Variants in HIVEP3 observed in about 807,000 individuals in gnomAD.
HIVEP3 encodes the protein HIVEP zinc finger 3, also known as transcription factor HIVEP3.
In HIVEP3, 49 loss-of-function variants were observed where a neutral mutation model predicts 152.8. The ratio of observed to expected loss-of-function variants is 0.32; its 90% confidence interval spans 0.26 to 0.41. HIVEP3 has a LOEUF of 0.41. Ranked by LOEUF, HIVEP3 falls within the 10% of genes least tolerant of loss-of-function variation. The pLI, the probability that HIVEP3 is intolerant of heterozygous loss-of-function variation, is 1.00. For missense variants in HIVEP3, 2,790 were observed against 3,103.3 expected, an observed-to-expected ratio of 0.90 and a Z score of 2.40; for synonymous variants, 1,269 against 1,289.0, an observed-to-expected ratio of 0.98 and a Z score of 0.33.
At chr1:41,996,061 C>T (rs1325163225) in intron 1 of HIVEP3, among the ~76,000 whole-genome samples, 1 of 152,110 alleles carries the variant, frequency 6.6e-6, no homozygotes, top group Non-Finnish European at 1.5e-5. Flanking sequence ...AATAGTTTCT[C>T]TCTGTGCCAC....
chr1:41,764,580 T>C lies in HIVEP3; in HGVS notation c.-800-63585A>G, dbSNP rs149932452. ...AATTAAAGGATAAGAGTCTGGGTGG[T>C]TGGTTGATTTTACAAAAAAGATGAA... On this transcript the variant is annotated intron_variant, in intron 1 of 8. Transcript: ENST00000372583. 6.4e-3 allele frequency among the ~76,000 whole-genome samples: 978 copies of C among 152,270 alleles called. 6 individuals carry two copies. The highest frequency in any genetic ancestry group is 0.011 in the Non-Finnish European group (780 of 68,006).
At chr1:41,673,804 C>G (rs1365997310) in intron 2 of HIVEP3, among the ~76,000 whole-genome samples, 2 of 152,116 alleles carry the variant, frequency 1.3e-5, no homozygotes, top group Non-Finnish European at 2.9e-5. Flanking sequence ...AAAAACCAAA[C>G]CATCAGAAAT....
At chr1:41,921,980 A>G (rs1259069800), upstream of HIVEP3, among the ~76,000 whole-genome samples, 1 of 152,208 alleles carries the variant, frequency 6.6e-6, no homozygotes. Flanking sequence ...CAGATAAAAT[A>G]TAAGATATAA....
intron 2 of HIVEP3, among the ~76,000 whole-genome samples, chr1:41,635,526 ATATATGCACG>A (rs1645256202): frequency 6.7e-6 from 1 of 149,314 alleles, no homozygotes; most frequent in Non-Finnish European, 1.5e-5. Flanking sequence ...GCATATATAC[ATATATGCACG>A]TATATGTATG....
intron 1 of HIVEP3, among the ~76,000 whole-genome samples, chr1:41,782,979 C>T (rs908300564): frequency 4.6e-5 from 7 of 152,108 alleles, no homozygotes; most frequent in Non-Finnish European, 7.4e-5. Context: ...AGATCAGCAG[C>T]GGGGCTTCAG....
rs1485538064 is a variant in HIVEP3 at position 41,511,246 on chromosome 1, A to G, written c.6426T>C (p.Ser2142=). The G allele has an allele frequency of 2.5e-6, 4 of 1,607,980 alleles. No individual in the cohort carries two copies. The highest frequency in any genetic ancestry group is 1.7e-4 in the Middle Eastern group (1 of 5,758). ...GAGCAGGGCCGGGTGAGCAGGAGGG[A>G]CTTCGGGACTCGGCCTTCTGCTGGG... The part of the protein sequence containing the change: ...ASPWQKAESR[S]PSCSPGPAHP... Residue 2142 remains serine, a synonymous_variant, in exon 9 of 9, where the codon AGT becomes AGC. Coordinates refer to ENST00000372583, the MANE Select transcript of HIVEP3 (RefSeq NM_024503.5). This position sits in a 1 kb window ranked among gnomAD's most constrained non-coding sequence, Gnocchi z 4.9.
chr1:41,767,140 C>T (rs561019676), intron 1 of HIVEP3, among the ~76,000 whole-genome samples: 9 of 152,292 alleles, frequency 5.9e-5, no homozygotes, highest in African/African-American at 1.9e-4. Context: ...ACACCCACAT[C>T]TCATCAAATG....
chr1:41,790,341 G>A (rs1558271827), intron 1 of HIVEP3, among the ~76,000 whole-genome samples: 1 of 152,154 alleles, frequency 6.6e-6, no homozygotes, highest in Non-Finnish European at 1.5e-5. Context: ...CCTCTACCAT[G>A]AGTGGAAGCA....
intron 1 of HIVEP3, among the ~76,000 whole-genome samples, chr1:41,845,014 C>T (rs1437049275): frequency 6.6e-6 from 1 of 152,164 alleles, no homozygotes; most frequent in Admixed American, 6.5e-5. Flanking sequence ...CTGCCTCTTC[C>T]CTCTGTGGGA....
chr1:42,021,933 G>A (rs571218967), intron 1 of HIVEP3, among the ~76,000 whole-genome samples: 72 of 152,224 alleles, frequency 4.7e-4, no homozygotes, highest in Admixed American at 1.0e-3. Context: ...AGTACAAATG[G>A]GGTCACCTGG....
chr1:41,678,283 T>C (rs575338810), intron 2 of HIVEP3, among the ~76,000 whole-genome samples: 75 of 152,208 alleles, frequency 4.9e-4, no homozygotes, highest in South Asian at 1.5e-3. Flanking sequence ...GGCCCCTCCA[T>C]TGGGAGCCTG....
At chr1:41,804,469 T>C (rs1015278610) in intron 1 of HIVEP3, among the ~76,000 whole-genome samples, 21 of 152,340 alleles carry the variant, frequency 1.4e-4, no homozygotes, top group African/African-American at 4.8e-4. Context: ...CAACTGGAGC[T>C]AGCCACCACC....
At chr1:41,613,347 C>T (rs1644923913) in intron 3 of HIVEP3, among the ~76,000 whole-genome samples, 1 of 152,328 alleles carries the variant, frequency 6.6e-6, no homozygotes, top group East Asian at 1.9e-4. Flanking sequence ...GGGCGGGTCT[C>T]GTGACATTTT....
rs1198191894 is a variant in HIVEP3 at position 41,527,158 on chromosome 1, CCT to C, written c.5208-2250_5208-2249del. ...CCCTCACACACCCTCACATGCTCAT[CCT>C]CTCACACACCCACACACCCACTCAC... On this transcript the variant is annotated intron_variant, in intron 5 of 8. Coordinates refer to ENST00000372583, the MANE Select transcript of HIVEP3 (RefSeq NM_024503.5). 1.8e-4 allele frequency among the ~76,000 whole-genome samples: 23 copies of C among 127,222 alleles called. 1 individual carries two copies. The highest frequency in any genetic ancestry group is 8.2e-4 in the South Asian group (3 of 3,678). The allele number at this position is 127,222 out of a possible 152,430, so 83.5% of individuals were successfully genotyped here. A position where few individuals can be genotyped will look rare whatever the true frequency, so the allele number is the denominator to read the frequency against.
chr1:41,979,962 T>C (rs973982076), intron 1 of HIVEP3, among the ~76,000 whole-genome samples: 2 of 152,242 alleles, frequency 1.3e-5, no homozygotes, highest in Admixed American at 1.3e-4. Context: ...CAGAAAGGTC[T>C]GAGTGAATGA....
intron 1 of HIVEP3, among the ~76,000 whole-genome samples, chr1:41,951,637 C>T (rs180853800): frequency 1.3e-5 from 2 of 152,190 alleles, no homozygotes; most frequent in African/African-American, 2.4e-5. Flanking sequence ...TCAATTGACT[C>T]GCAGTTCCAC....
intron 1 of HIVEP3, among the ~76,000 whole-genome samples, chr1:41,901,985 C>T (rs1443162576): frequency 6.6e-6 from 1 of 152,122 alleles, no homozygotes. Context: ...GGATTCAATA[C>T]CTGTTGGGTA....
At chr1:41,532,834 G>T (rs1305591556) in intron 5 of HIVEP3, among the ~76,000 whole-genome samples, 1 of 152,164 alleles carries the variant, frequency 6.6e-6, no homozygotes, top group Non-Finnish European at 1.5e-5. Flanking sequence ...ACTGAGAAGG[G>T]GATATGTAGA....
chr1:41,856,115 G>T (rs1044447811), intron 1 of HIVEP3, among the ~76,000 whole-genome samples: 3 of 152,216 alleles, frequency 2.0e-5, no homozygotes, highest in African/African-American at 4.8e-5. Context: ...TACCAGAACT[G>T]CAATTTTCAG....
Sources: gnomAD v4.1 joint callset for allele counts (sites outside exome capture counted in the v4.1 genomes callset) on GRCh38, gnomAD v4.1.1 for gene constraint, Gnocchi (gnomAD v3.1) non-coding constraint, MANE v1.5 for transcripts, NCBI Gene and HGNC (gene_info 2026-07-23, HGNC 2026-07-21) for gene names.